RYR1: variants seen among roughly 807,000 people sequenced by gnomAD.
The protein encoded by RYR1 is central core disease of muscle.
A neutral mutation model predicts 583.5 loss-of-function variants in RYR1; 342 were observed. That is an observed-to-expected ratio of 0.59 (90% confidence interval 0.54 to 0.64). The LOEUF is 0.64. Among genes scored for constraint, RYR1 ranks in the 30% least tolerant of loss-of-function variants. The probability of loss-of-function intolerance (pLI) is 0.00; values close to 1 mark genes in which losing one functional copy is unlikely to be tolerated. For synonymous variants in RYR1, 2,791 were observed against 2,822.5 expected (o/e 0.99, Z 0.35); for missense variants, 6,032 against 6,917.2 (o/e 0.87, Z 4.54).
At position 38,543,713 on chromosome 19, in the gene RYR1, G is replaced by C. The variant is rs1568558070; in HGVS notation, c.11907+53G>C. 6.2e-7 allele frequency: 1 copy of C among 1,611,306 alleles called. No homozygotes were observed. The highest frequency in any genetic ancestry group is 8.5e-7 in the Non-Finnish European group (1 of 1,179,970). On this transcript the variant is annotated intron_variant, in intron 86 of 105. Coordinates refer to ENST00000359596, the MANE Select transcript of RYR1 (RefSeq NM_000540.3). The surrounding 1 kb of genome is among the most constrained non-coding windows in gnomAD (Gnocchi z 4.4). ...GGGAAGGGAGGGGGTCCCGCATCGT[G>C]ATCCCTGATCCCTTCTCGGGGATTC...
intron 88 of RYR1, 75 bp downstream of exon 88, chr19:38,546,601 GGGAGACCCT>G (rs1555794898): frequency 3.4e-6 from 4 of 1,189,710 alleles, no homozygotes; most frequent in Non-Finnish European, 5.0e-6. Flanking sequence ...CCTGAGACCC[GGGAGACCCT>G]AATCCTCAAC....
intron 49 of RYR1, among the ~76,000 whole-genome samples, chr19:38,503,177 A>G (rs1970279887): frequency 6.6e-6 from 1 of 152,150 alleles, no homozygotes; most frequent in South Asian, 2.1e-4. Context: ...TGATGCCTCT[A>G]GCGTTCCCTA....
chr19:38,509,447 A>ATTTTTTT (rs1439875376), intron 58 of RYR1, among the ~76,000 whole-genome samples: 2 of 120,970 alleles, frequency 1.7e-5, no homozygotes, highest in African/African-American at 3.1e-5. Flanking sequence ...TATTATTATT[A>ATTTTTTT]TTATTTTTTT....
intron 47 of RYR1, among the ~76,000 whole-genome samples, chr19:38,501,790 C>G (rs562330251): frequency 2.0e-5 from 3 of 152,006 alleles, no homozygotes; most frequent in Non-Finnish European, 4.4e-5. Context: ...TTGAGACCAG[C>G]CTGGGCAACA....
At chr19:38,479,576 T>G (rs1193364591) in intron 31 of RYR1, among the ~76,000 whole-genome samples, 1 of 151,912 alleles carries the variant, frequency 6.6e-6, no homozygotes, top group African/African-American at 2.4e-5. Flanking sequence ...ACTAGCTGAT[T>G]TTTTGTGTGT....
At position 38,527,634 on chromosome 19, in the gene RYR1, TTCC is replaced by T. The variant is rs779209058; in HGVS notation, c.10687-9_10687-7del. 3 of 1,613,974 alleles carry T rather than the reference TTCC, an allele frequency of 1.9e-6. No individual in the cohort carries two copies. The highest frequency in any genetic ancestry group is 1.1e-5 in the South Asian group (1 of 91,002). On this transcript the variant is annotated splice_polypyrimidine_tract_variant and intron_variant, in intron 72 of 105. Transcript: ENST00000359596. Reference sequence around the variant, plus strand: ...GGTCCCTCACGCCGGCCACTCCTTCTTCCTCCCTTCAGGTCGAAGGCTCCCCGT... The same window carrying T: ...GGTCCCTCACGCCGGCCACTCCTTCTTCCCTTCAGGTCGAAGGCTCCCCGT...
At chr19:38,453,160 G>C (rs1330148691) in intron 13 of RYR1, 146 bp downstream of exon 13, 1 of 804,736 alleles carries the variant, frequency 1.2e-6, no homozygotes, top group South Asian at 1.7e-5. Flanking sequence ...AGAAGGAGCC[G>C]GACAGGAACC....
At chr19:38,535,273 T>C in intron 80 of RYR1, 43 bp from the exon 81 acceptor site, 1 of 1,613,024 alleles carries the variant, frequency 6.2e-7, no homozygotes, top group South Asian at 1.1e-5. Flanking sequence ...GAGAGGTTCC[T>C]GTGTGACTCC....
intron 64 of RYR1, among the ~76,000 whole-genome samples, chr19:38,515,640 T>A (rs78100904): frequency 0.027 from 4,110 of 150,522 alleles, 114 homozygotes; most frequent in Admixed American, 0.083. Context: ...CAAAAAAAAA[T>A]TTTTTTTAAT....
intron 51 of RYR1, 28 bp downstream of exon 51, chr19:38,504,939 A>AG (rs1486385202): frequency 6.2e-7 from 1 of 1,613,978 alleles, no homozygotes; most frequent in East Asian, 2.2e-5. Flanking sequence ...GGAGACAGAG[A>AG]GGAAGATTTC....
intron 42 of RYR1, among the ~76,000 whole-genome samples, chr19:38,497,174 G>A (rs371563892): frequency 1.5e-4 from 22 of 149,354 alleles, no homozygotes; most frequent in East Asian, 7.7e-4. Context: ...CACGCTTCCC[G>A]TCTGGGGGCA....
intron 2 of RYR1, 135 bp from the exon 3 acceptor site, chr19:38,442,214 C>T: frequency 3.2e-6 from 2 of 624,788 alleles, no homozygotes; most frequent in Non-Finnish European, 5.7e-6. Context: ...AGGGCAGGGC[C>T]TTCCTGTGGG....
chr19:38,564,879 T>C (rs2145842670), intron 90 of RYR1, 80 bp from the exon 91 acceptor site: 1 of 1,530,838 alleles, frequency 6.5e-7, no homozygotes, highest in East Asian at 2.5e-5. Context: ...CGGTGACCCC[T>C]TGTAGCTGCC....
chr19:38,581,238 T>C (rs564118499), intron 101 of RYR1, among the ~76,000 whole-genome samples: 217 of 152,026 alleles, frequency 1.4e-3, no homozygotes, highest in African/African-American at 5.0e-3. Flanking sequence ...CCACCACGCC[T>C]GGCAAATTTT....
intron 35 of RYR1, 113 bp downstream of exon 35, chr19:38,489,556 C>T: frequency 1.7e-6 from 2 of 1,188,456 alleles, no homozygotes; most frequent in Non-Finnish European, 2.5e-6. Flanking sequence ...TGTGGAAATG[C>T]ATATGGCAGT....
Position 38,485,927 on chromosome 19 carries a change from C to A in RYR1, c.5272C>A (p.Pro1758Thr). Residue 1758 changes from proline to threonine, a missense_variant, in exon 34 of 106, where the codon CCC becomes ACC. Physicochemically the swap from Pro to Thr is conservative, Grantham distance 38 (BLOSUM62 -1). Coordinates refer to ENST00000359596, the MANE Select transcript of RYR1 (RefSeq NM_000540.3). ...TGGAAGGAGCACAGAAAATGGTCACCCCCGGCATGGCCTGCCGGGAGTTGG... is the reference window on the plus strand; with the variant it reads ...TGGAAGGAGCACAGAAAATGGTCACACCCGGCATGGCCTGCCGGGAGTTGG... Reference protein sequence around the residue: ...PPGRSTENGHPRHGLPGVGVT... With the variant: ...PPGRSTENGHTRHGLPGVGVT... 1 of 1,613,714 alleles carries A rather than the reference C, an allele frequency of 6.2e-7. No homozygotes were observed. Among genetic ancestry groups the A allele is most frequent in the Non-Finnish European group, 8.5e-7 (1 of 1,179,964 alleles).
Position 38,433,746 on chromosome 19 carries a change from G to GCCCCCCCCCCCCCCCCCCCCC in RYR1, c.-81_-80insCCCCCCCCCCCCCCCCCCCCC. The GCCCCCCCCCCCCCCCCCCCCC allele has an allele frequency of 1.9e-6, 1 of 520,730 alleles. No homozygotes were observed. Among genetic ancestry groups the GCCCCCCCCCCCCCCCCCCCCC allele is most frequent in the South Asian group, 1.6e-5 (1 of 64,400 alleles). The allele number at this position is 520,730 out of a possible 1,614,324, so 32.3% of individuals were successfully genotyped here. A position where few individuals can be genotyped will look rare whatever the true frequency, so the allele number is the denominator to read the frequency against. On this transcript the variant is annotated 5_prime_UTR_variant, in exon 1 of 106. Coordinates refer to ENST00000359596, the MANE Select transcript of RYR1 (RefSeq NM_000540.3). ...GTGTCTCCAGAGGTCTCCGACCCCA[G>GCCCCCCCCCCCCCCCCCCCCC]CCCGCCCCCAGCCCTCCCGCCCAGC...
intron 95 of RYR1, 50 bp downstream of exon 95, chr19:38,572,320 G>T: frequency 6.5e-7 from 1 of 1,539,920 alleles, no homozygotes; most frequent in Non-Finnish European, 8.8e-7. Flanking sequence ...GCTGGGTGGG[G>T]GTGGGGGCAG....
Position 38,565,842 on chromosome 19 carries a change from G to T in RYR1, c.13437+71G>T. On this transcript the variant is annotated intron_variant, in intron 91 of 105. Coordinates refer to ENST00000359596, the MANE Select transcript of RYR1 (RefSeq NM_000540.3). The surrounding 1 kb of genome is among the most constrained non-coding windows in gnomAD (Gnocchi z 4.7). The stretch of plus-strand genomic sequence containing the variant: ...TGGAGGGAGGAAGAGAGCCCGGCTG[G>T]GTGGAGACACACACAGAGGAGAGAA... 7.4e-7 allele frequency: 1 copy of T among 1,345,656 alleles called. No individual in the cohort carries two copies. The highest frequency in any genetic ancestry group is 1.9e-5 in the South Asian group (1 of 53,624). 83.4% of individuals were successfully genotyped at this position (1,345,656 alleles called of 1,614,324 possible). A position where few individuals can be genotyped will look rare whatever the true frequency, so the allele number is the denominator to read the frequency against.
Sources: gnomAD v4.1 joint callset for allele counts (sites outside exome capture counted in the v4.1 genomes callset) on GRCh38, gnomAD v4.1.1 for gene constraint, Gnocchi (gnomAD v3.1) non-coding constraint, MANE v1.5 for transcripts, NCBI Gene and HGNC (gene_info 2026-07-23, HGNC 2026-07-21) for gene names.